ELMOD1: variants seen among roughly 807,000 people sequenced by gnomAD.
The protein encoded by ELMOD1 is ELMO domain-containing protein 1.
In ELMOD1, 21 loss-of-function variants were observed where a neutral mutation model predicts 46.7. The observed-to-expected ratio is 0.45, with a 90% CI of 0.32 to 0.65. The LOEUF is 0.65. Among genes scored for constraint, ELMOD1 ranks in the 30% least tolerant of loss-of-function variants. ELMOD1 has a pLI of 0.04. For missense variants in ELMOD1, 348 were observed against 407.8 expected (o/e 0.85, Z 1.26); for synonymous variants, 122 against 138.2 (o/e 0.88, Z 0.82).
intron 1 of ELMOD1, among the ~76,000 whole-genome samples, chr11:107,601,358 C>T (rs1423605167): frequency 1.4e-5 from 2 of 147,920 alleles, no homozygotes; most frequent in East Asian, 3.9e-4. Context: ...TTTTTGTTTT[C>T]TCAAGAATTA....
Position 107,665,147 on chromosome 11 carries a change from A to G in ELMOD1, c.955A>G (p.Met319Val). Residue 319 changes from methionine to valine, a missense_variant, in exon 12 of 12, where the codon ATG becomes GTG. Physicochemically the swap from Met to Val is conservative, Grantham distance 21. Coordinates refer to ENST00000265840, the MANE Select transcript of ELMOD1 (RefSeq NM_018712.4). The part of the protein sequence containing the change: ...RIIKQLQNPD[M>V]ALCPHFAASE... ...CATCAAACAGCTGCAGAACCCAGAC[A>G]TGGCGCTGTGCCCACATTTTGCTGC... 1 of 1,614,044 alleles carries G rather than the reference A, an allele frequency of 6.2e-7. No individual in the cohort carries two copies. The highest frequency in any genetic ancestry group is 8.5e-7 in the Non-Finnish European group (1 of 1,179,886).
chr11:107,659,043 G>A (rs1866682862), intron 11 of ELMOD1, among the ~76,000 whole-genome samples: 1 of 152,206 alleles, frequency 6.6e-6, no homozygotes, highest in Admixed American at 6.5e-5. Flanking sequence ...CCAAAAGAAT[G>A]AGTGGCAGGA....
At chr11:107,643,826 C>A in intron 6 of ELMOD1, 1 of 302,860 alleles carries the variant, frequency 3.3e-6, no homozygotes. Flanking sequence ...GGCCAGGTGC[C>A]CAGCCTGGTC....
At chr11:107,661,603 A>G (rs1866741447) in intron 11 of ELMOD1, among the ~76,000 whole-genome samples, 1 of 152,210 alleles carries the variant, frequency 6.6e-6, no homozygotes, top group South Asian at 2.1e-4. Flanking sequence ...TTATGTATGT[A>G]TTTTATATAG....
intron 1 of ELMOD1, among the ~76,000 whole-genome samples, chr11:107,607,431 G>A (rs566423205): frequency 1.6e-4 from 25 of 152,274 alleles, no homozygotes; most frequent in Non-Finnish European, 2.6e-4. Flanking sequence ...TGAGGCAGGC[G>A]GATCACTTTA....
intron 2 of ELMOD1, among the ~76,000 whole-genome samples, chr11:107,622,829 C>T (rs1398003930): frequency 2.6e-5 from 4 of 152,134 alleles, no homozygotes; most frequent in Non-Finnish European, 4.4e-5. Flanking sequence ...CATCCAAATA[C>T]CTCTCTCACT....
chr11:107,622,732 G>T (rs949296578), intron 2 of ELMOD1, among the ~76,000 whole-genome samples: 2 of 152,192 alleles, frequency 1.3e-5, no homozygotes, highest in African/African-American at 4.8e-5. Context: ...AGTTGTTCCA[G>T]AATTTGATTA....
At chr11:107,610,599 G>T (rs1306677105) in intron 1 of ELMOD1, among the ~76,000 whole-genome samples, 1 of 151,106 alleles carries the variant, frequency 6.6e-6, no homozygotes, top group African/African-American at 2.4e-5. Context: ...GGAGGCAGAG[G>T]TTGCAGTGAG....
chr11:107,662,874 G>A (rs1249197007), intron 11 of ELMOD1, among the ~76,000 whole-genome samples: 1 of 152,020 alleles, frequency 6.6e-6, no homozygotes, highest in Non-Finnish European at 1.5e-5. Flanking sequence ...CTGGGCAACA[G>A]AGCGAGACCC....
Position 107,591,344 on chromosome 11 carries a change from A to C in ELMOD1, c.-151A>C, listed in dbSNP as rs1865385629. 6.6e-6 allele frequency: 1 copy of C among 152,428 alleles called. No homozygotes were observed. Among genetic ancestry groups the C allele is most frequent in the Non-Finnish European group, 1.5e-5 (1 of 68,310 alleles). The allele number at this position is 152,428 out of a possible 1,614,324, so 9.4% of individuals were successfully genotyped here. On this transcript the variant is annotated 5_prime_UTR_variant, in exon 1 of 12. Transcript: ENST00000265840. ...AGCGCGTAGCCGGAGCGCCTGGGGA[A>C]GGCGGAGATGAAGACCACGCCGCCG...
At chr11:107,611,251 A>G (rs773250647) in intron 1 of ELMOD1, among the ~76,000 whole-genome samples, 1 of 152,216 alleles carries the variant, frequency 6.6e-6, no homozygotes, top group Non-Finnish European at 1.5e-5. Flanking sequence ...TAAACTAAAG[A>G]ACTTCTGCAT....
At chr11:107,618,586 A>G (rs1483173416) in intron 2 of ELMOD1, among the ~76,000 whole-genome samples, 1 of 152,222 alleles carries the variant, frequency 6.6e-6, no homozygotes, top group Non-Finnish European at 1.5e-5. Context: ...GTATCCTTTT[A>G]AATATCCTTT....
intron 6 of ELMOD1, among the ~76,000 whole-genome samples, chr11:107,636,988 T>G (rs556164142): frequency 6.6e-6 from 1 of 152,332 alleles, no homozygotes; most frequent in African/African-American, 2.4e-5. Flanking sequence ...ATAGCTGAGG[T>G]TCCCTCAGAA....
chr11:107,654,877 T>C (rs997376247), intron 10 of ELMOD1, among the ~76,000 whole-genome samples: 3 of 152,140 alleles, frequency 2.0e-5, no homozygotes, highest in Admixed American at 2.0e-4. Context: ...TAATGCCCCA[T>C]ATTATCCAAA....
chr11:107,635,746 A>C lies in ELMOD1; in HGVS notation c.401A>C (p.His134Pro). ...REAYDSDNPQ[H>P]EEMLLKLWKF... ...GCCTATGATTCTGATAATCCCCAAC[A>C]TGAAGAAATGCTTTTGAAGGTTAGT... The change falls in exon 6 of 12, where the codon CAT becomes CCT. Residue 134 changes from histidine (H) to proline (P), a missense_variant. His to Pro is a moderately conservative substitution (Grantham distance 77, BLOSUM62 -2). Transcript: ENST00000265840. 6.2e-7 allele frequency: 1 copy of C among 1,613,808 alleles called. No individual in the cohort carries two copies. The highest frequency in any genetic ancestry group is 8.5e-7 in the Non-Finnish European group (1 of 1,179,780).
chr11:107,643,726 G>A, intron 6 of ELMOD1: 1 of 499,324 alleles, frequency 2.0e-6, no homozygotes, highest in South Asian at 1.5e-5. Flanking sequence ...CAAGATTTTT[G>A]TCAGTATTGG....
At chr11:107,643,719 G>T (rs1437248349) in intron 6 of ELMOD1, 2 of 505,132 alleles carry the variant, frequency 4.0e-6, no homozygotes, top group South Asian at 1.5e-5. Flanking sequence ...GGTGGCTCAA[G>T]ATTTTTGTCA....
intron 9 of ELMOD1, chr11:107,653,401 A>T (rs1243519409): frequency 6.6e-6 from 1 of 152,164 alleles, no homozygotes; most frequent in Non-Finnish European, 1.5e-5. Flanking sequence ...ATCTTTTTTC[A>T]AACAGTCTTA....
chr11:107,637,766 T>C (rs1866254606), intron 6 of ELMOD1, among the ~76,000 whole-genome samples: 1 of 152,272 alleles, frequency 6.6e-6, no homozygotes, highest in Admixed American at 6.5e-5. Flanking sequence ...TTTGAAATGT[T>C]TTCCATGCCC....
Sources: gnomAD v4.1 joint callset for allele counts (sites outside exome capture counted in the v4.1 genomes callset) on GRCh38, gnomAD v4.1.1 for gene constraint, MANE v1.5 for transcripts, NCBI Gene and HGNC (gene_info 2026-07-23, HGNC 2026-07-21) for gene names.